DEUP1: variants seen among roughly 807,000 people sequenced by gnomAD.
The protein encoded by DEUP1 is coiled-coil domain containing 67.
Under a neutral mutation model 87.4 loss-of-function variants are expected in DEUP1, and 82 were observed. That is an observed-to-expected ratio of 0.94 (90% CI 0.78 to 1.13). The LOEUF (loss-of-function observed/expected upper bound fraction) is 1.13, where lower values mean the gene tolerates loss of function less well. Among genes scored for constraint, DEUP1 ranks in the 50% most tolerant of loss-of-function variants. DEUP1 has a pLI of 0.00. For synonymous variants in DEUP1, 214 were observed against 222.7 expected, an observed-to-expected ratio of 0.96 and a Z score of 0.35; for missense variants, 663 against 681.5, an observed-to-expected ratio of 0.97 and a Z score of 0.30.
At chr11:93,412,928 C>T (rs1477113753) in intron 12 of DEUP1, among the ~76,000 whole-genome samples, 2 of 151,916 alleles carry the variant, frequency 1.3e-5, no homozygotes, top group Non-Finnish European at 2.9e-5. Flanking sequence ...AAAGATACAT[C>T]TCAAGATAAG....
At chr11:93,391,224 A>T (rs546617220) in intron 9 of DEUP1, among the ~76,000 whole-genome samples, 1 of 152,196 alleles carries the variant, frequency 6.6e-6, no homozygotes, top group South Asian at 2.1e-4. Flanking sequence ...TGTTTTAGCC[A>T]TTTATTTTGT....
At chr11:93,414,665 G>A (rs1591251333) in intron 12 of DEUP1, among the ~76,000 whole-genome samples, 1 of 152,148 alleles carries the variant, frequency 6.6e-6, no homozygotes, top group Non-Finnish European at 1.5e-5. Context: ...TACCTGTTTG[G>A]AGACTTTTCT....
chr11:93,343,130 A>G (rs1161467738), intron 2 of DEUP1, among the ~76,000 whole-genome samples: 8 of 152,258 alleles, frequency 5.3e-5, no homozygotes, highest in African/African-American at 1.9e-4. Context: ...GCTAGCTGGC[A>G]TAAGAATGAG....
chr11:93,361,796 G>GAAAT (rs1271696631), intron 4 of DEUP1, among the ~76,000 whole-genome samples: 1 of 151,914 alleles, frequency 6.6e-6, no homozygotes, highest in African/African-American at 2.4e-5. Flanking sequence ...ACATTAAATA[G>GAAAT]AAATGGTCTA....
intron 7 of DEUP1, among the ~76,000 whole-genome samples, chr11:93,384,877 G>A (rs1024645724): frequency 6.6e-6 from 1 of 152,128 alleles, no homozygotes; most frequent in Non-Finnish European, 1.5e-5. Flanking sequence ...CAGGTTCTGT[G>A]TCTGTATCCC....
intron 2 of DEUP1, among the ~76,000 whole-genome samples, chr11:93,342,813 G>C (rs1944146447): frequency 6.6e-6 from 1 of 152,188 alleles, no homozygotes; most frequent in South Asian, 2.1e-4. Context: ...CAGAATTTAG[G>C]ATATATATTG....
intron 12 of DEUP1, among the ~76,000 whole-genome samples, chr11:93,408,990 G>A (rs928281375): frequency 1.3e-5 from 2 of 152,048 alleles, no homozygotes; most frequent in African/African-American, 4.8e-5. Flanking sequence ...CCAAGTAACT[G>A]GGACTACAGG....
chr11:93,373,029 T>C (rs1186730609), intron 7 of DEUP1, among the ~76,000 whole-genome samples: 2 of 152,220 alleles, frequency 1.3e-5, no homozygotes, highest in Non-Finnish European at 2.9e-5. Flanking sequence ...ATATGACAAC[T>C]GGTCATGCTT....
At position 93,409,284 on chromosome 11, in the gene DEUP1, G is replaced by A. The variant is rs149058934; in HGVS notation, c.1523+857G>A. ...GAGAAGTGTATGGAAAATCATTATCGGCTGTCCACATTATTCCCATACTCT... is the reference window on the plus strand; with the variant it reads ...GAGAAGTGTATGGAAAATCATTATCAGCTGTCCACATTATTCCCATACTCT... On this transcript the variant is annotated intron_variant, in intron 12 of 13. Coordinates refer to ENST00000298050, the MANE Select transcript of DEUP1 (RefSeq NM_181645.4). 2.2e-4 allele frequency among the ~76,000 whole-genome samples: 33 copies of A among 152,202 alleles called. No homozygotes were observed. In the East Asian group the frequency reaches 6.0e-3, roughly 28 times the overall value.
intron 4 of DEUP1, among the ~76,000 whole-genome samples, chr11:93,361,877 A>G (rs931903436): frequency 1.3e-5 from 2 of 152,102 alleles, no homozygotes; most frequent in Non-Finnish European, 2.9e-5. Flanking sequence ...ATATAACTAT[A>G]TAGGCAAGTT....
intron 9 of DEUP1, among the ~76,000 whole-genome samples, chr11:93,393,855 G>A (rs1000073142): frequency 2.0e-5 from 3 of 152,170 alleles, no homozygotes; most frequent in African/African-American, 7.2e-5. Flanking sequence ...GACAAGGGTG[G>A]AGAGGAGTCA....
chr11:93,396,198 T>C (rs1946940632), intron 10 of DEUP1, 41 bp from the exon 11 acceptor site: 1 of 1,244,838 alleles, frequency 8.0e-7, no homozygotes, highest in Non-Finnish European at 1.1e-6. Context: ...TATGAGTTTT[T>C]ATTATGAATT....
intron 13 of DEUP1, among the ~76,000 whole-genome samples, chr11:93,416,414 A>G (rs1947630736): frequency 6.6e-6 from 1 of 152,244 alleles, no homozygotes; most frequent in South Asian, 2.1e-4. Context: ...CTCTACGCAA[A>G]TAAACTAGAA....
At chr11:93,417,979 T>A (rs79414252) in intron 13 of DEUP1, among the ~76,000 whole-genome samples, 1 of 150,364 alleles carries the variant, frequency 6.7e-6, no homozygotes, top group Non-Finnish European at 1.5e-5. Flanking sequence ...GCTAGCCATA[T>A]GTAGAAAGCT....
At chr11:93,374,778 T>A (rs1003795025) in intron 7 of DEUP1, among the ~76,000 whole-genome samples, 1 of 152,140 alleles carries the variant, frequency 6.6e-6, no homozygotes, top group African/African-American at 2.4e-5. Flanking sequence ...TTTGGTTCCA[T>A]ATGAATTCTA....
chr11:93,369,576 T>TA (rs1945603139), intron 5 of DEUP1, among the ~76,000 whole-genome samples: 1 of 152,184 alleles, frequency 6.6e-6, no homozygotes, highest in Non-Finnish European at 1.5e-5. Flanking sequence ...TTAGAGATGG[T>TA]AAAAAATCCA....
At chr11:93,379,144 A>G (rs566372087) in intron 7 of DEUP1, among the ~76,000 whole-genome samples, 2 of 152,044 alleles carry the variant, frequency 1.3e-5, no homozygotes, top group African/African-American at 2.4e-5. Context: ...AAATAATTCT[A>G]TTGGGGCCAT....
At chr11:93,373,613 G>GTATATATATATGTGTGTATATATATA (rs1221858796) in intron 7 of DEUP1, among the ~76,000 whole-genome samples, 20 of 51,128 alleles carry the variant, frequency 3.9e-4, no homozygotes, top group Non-Finnish European at 7.2e-4. Flanking sequence ...ATTTATATAT[G>GTATATATATATGTGTGTATATATATA]TATATATATA....
At chr11:93,332,818 A>G (rs1943558071) in intron 2 of DEUP1, among the ~76,000 whole-genome samples, 1 of 152,244 alleles carries the variant, frequency 6.6e-6, no homozygotes, top group South Asian at 2.1e-4. Flanking sequence ...GTTTACAAAT[A>G]TCTGTCCTAA....
Sources: gnomAD v4.1 joint callset for allele counts (sites outside exome capture counted in the v4.1 genomes callset) on GRCh38, gnomAD v4.1.1 for gene constraint, MANE v1.5 for transcripts, NCBI Gene and HGNC (gene_info 2026-07-23, HGNC 2026-07-21) for gene names.